The following PHTF2 variants were observed in gnomAD, a reference collection of about 807,000 sequenced individuals.
PHTF2 encodes the protein protein PHTF2.
A neutral mutation model predicts 101.2 loss-of-function variants in PHTF2; 60 were observed. The observed-to-expected ratio is 0.59, with a 90% CI of 0.48 to 0.73. PHTF2 has a LOEUF of 0.73. PHTF2 is among the 30% of genes least tolerant of loss of function. The pLI is 0.00. For synonymous variants in PHTF2, 311 were observed against 307.3 expected, an observed-to-expected ratio of 1.01 and a Z score of -0.13; for missense variants, 747 against 908.7, an observed-to-expected ratio of 0.82 and a Z score of 2.29.
intron 1 of PHTF2, among the ~76,000 whole-genome samples, chr7:77,808,779 G>A (rs1023639934): frequency 3.9e-5 from 6 of 152,276 alleles, no homozygotes; most frequent in Non-Finnish European, 7.4e-5. Flanking sequence ...TTCTAGCACT[G>A]CATCCTGGAA....
At chr7:77,934,791 A>G (rs756277438) in intron 12 of PHTF2, among the ~76,000 whole-genome samples, 1 of 152,114 alleles carries the variant, frequency 6.6e-6, no homozygotes, top group African/African-American at 2.4e-5. Flanking sequence ...TATTAAAAAT[A>G]CAAAAATTAG....
rs530121834 is a variant in PHTF2, at chr7:77,817,900, C to T, written c.-36+18929C>T. On this transcript the variant is annotated intron_variant, in intron 1 of 19. Transcript: ENST00000416283. ...CAAGGTGGGTGGATCACGAAGTCAG[C>T]AGGTCGAGACCAGCCTGACCAACAT... is the stretch of plus-strand genomic sequence containing the variant. Among the ~76,000 whole-genome samples, 4 of 151,930 alleles carry T rather than the reference C, an allele frequency of 2.6e-5. No homozygotes were observed. The South Asian group carries it at 8.3e-4, about 32-fold the overall frequency.
At chr7:77,896,137 T>C (rs542568307) in intron 5 of PHTF2, 2 of 152,330 alleles carry the variant, frequency 1.3e-5, no homozygotes, top group South Asian at 2.1e-4. Flanking sequence ...CACTGAATTA[T>C]AGATTTTTAT....
chr7:77,824,259 G>GT (rs761677558), intron 1 of PHTF2, among the ~76,000 whole-genome samples: 242 of 138,298 alleles, frequency 1.7e-3, no homozygotes, highest in Non-Finnish European at 1.9e-3. Context: ...ATCCTGGTTT[G>GT]TTTTTTTTTT....
At chr7:77,831,602 C>G (rs1795083121) in intron 1 of PHTF2, among the ~76,000 whole-genome samples, 1 of 152,216 alleles carries the variant, frequency 6.6e-6, no homozygotes, top group African/African-American at 2.4e-5. Flanking sequence ...GTGTGATACA[C>G]TTCTCAGGAG....
chr7:77,867,678 A>T (rs964911713), intron 3 of PHTF2, among the ~76,000 whole-genome samples: 2 of 152,230 alleles, frequency 1.3e-5, no homozygotes, highest in African/African-American at 4.8e-5. Flanking sequence ...GAAAGGGCGC[A>T]GCTAAGGAGT....
At chr7:77,827,673 C>T (rs11765656) in intron 1 of PHTF2, among the ~76,000 whole-genome samples, 32,195 of 150,372 alleles carry the variant, frequency 0.21, 3,854 homozygotes, top group South Asian at 0.28. Context: ...GATGGAGTTT[C>T]GCTGTTTCAC....
chr7:77,825,225 A>G (rs1184611892), intron 1 of PHTF2, among the ~76,000 whole-genome samples: 1 of 152,196 alleles, frequency 6.6e-6, no homozygotes, highest in Non-Finnish European at 1.5e-5. Flanking sequence ...TACTTCAAAA[A>G]GTGGAAGGTA....
At chr7:77,927,149 C>T (rs1804082636) in intron 11 of PHTF2, among the ~76,000 whole-genome samples, 1 of 87,950 alleles carries the variant, frequency 1.1e-5, no homozygotes, top group Non-Finnish European at 2.0e-5. Context: ...CAGAGTGAGA[C>T]TCCATCTCAA....
At chr7:77,887,567 C>T (rs11971380) in intron 3 of PHTF2, among the ~76,000 whole-genome samples, 14,691 of 152,152 alleles carry the variant, frequency 0.097, 954 homozygotes, top group South Asian at 0.18. Flanking sequence ...GCTAGACATT[C>T]TTCCAGGAAT....
At chr7:77,844,875 A>C (rs1796156723) in intron 2 of PHTF2, among the ~76,000 whole-genome samples, 1 of 152,236 alleles carries the variant, frequency 6.6e-6, no homozygotes, top group African/African-American at 2.4e-5. Flanking sequence ...AAAGTCCTTT[A>C]ATATCCAATT....
Position 77,840,308 on chromosome 7 carries a change from GA to G in PHTF2, c.45+9del, listed in dbSNP as rs1420141867. ...GTCTGGTATCAAAAGAAGGTAAGTT[GA>G]TAGTCAAAACTTTTAGCTTTCTAAA... On this transcript the variant is annotated intron_variant, in intron 2 of 19. Transcript: ENST00000416283. The G allele has an allele frequency of 4.4e-6, 7 of 1,582,446 alleles. No individual in the cohort carries two copies. Among genetic ancestry groups the G allele is most frequent in the Non-Finnish European group, 5.2e-6 (6 of 1,152,502 alleles).
intron 3 of PHTF2, among the ~76,000 whole-genome samples, chr7:77,882,444 A>G (rs901425935): frequency 1.3e-5 from 2 of 152,160 alleles, no homozygotes; most frequent in African/African-American, 4.8e-5. Context: ...TTATATTCCG[A>G]TAATGATTTA....
chr7:77,951,853 A>G lies in PHTF2; in HGVS notation c.2211+141A>G, dbSNP rs1010667484. ...CCAAATTATACTTGTGCACATACAT[A>G]CAATTTATATTTTACTTCTCATTGC... On this transcript the variant is annotated intron_variant, in intron 18 of 19. Transcript: ENST00000416283. 24 of 546,490 alleles carry G rather than the reference A, an allele frequency of 4.4e-5. No homozygotes were observed. In the African/African-American group the frequency reaches 4.8e-4, roughly 11 times the overall value. The allele number at this position is 546,490 out of a possible 1,614,324, so 33.9% of individuals were successfully genotyped here. A position where few individuals can be genotyped will look rare whatever the true frequency, so the allele number is the denominator to read the frequency against.
At chr7:77,899,336 T>C (rs1801169157) in intron 5 of PHTF2, among the ~76,000 whole-genome samples, 1 of 151,528 alleles carries the variant, frequency 6.6e-6, no homozygotes, top group East Asian at 1.9e-4. Flanking sequence ...GCTGAGAACA[T>C]GCACGTTGGG....
chr7:77,928,673 A>G (rs1221184745), intron 11 of PHTF2, among the ~76,000 whole-genome samples: 1 of 152,198 alleles, frequency 6.6e-6, no homozygotes, highest in Non-Finnish European at 1.5e-5. Context: ...TGGGTTCTGC[A>G]TCTCAGGAAT....
chr7:77,873,294 C>T (rs1258116490), intron 3 of PHTF2, among the ~76,000 whole-genome samples: 1 of 152,166 alleles, frequency 6.6e-6, no homozygotes, highest in East Asian at 1.9e-4. Context: ...GGCCCAAATC[C>T]ATAAATTCAG....
At chr7:77,897,465 G>A (rs773161934) in intron 5 of PHTF2, among the ~76,000 whole-genome samples, 3 of 151,372 alleles carry the variant, frequency 2.0e-5, no homozygotes, top group Non-Finnish European at 4.4e-5. Context: ...AATTGCATTT[G>A]TGGTGCTTGT....
At chr7:77,840,158 T>C in intron 1 of PHTF2, 63 bp from the exon 2 acceptor site, 1 of 842,942 alleles carries the variant, frequency 1.2e-6, no homozygotes, top group Admixed American at 1.8e-5. Context: ...GTCTGCATGC[T>C]GTTCAGTCTC....
Sources: allele counts gnomAD v4.1 joint callset (sites outside exome capture counted in the v4.1 genomes callset), GRCh38; gene constraint gnomAD v4.1.1; transcripts MANE v1.5; gene names NCBI Gene and HGNC (gene_info 2026-07-23, HGNC 2026-07-21).